ACCSL: variants seen among roughly 807,000 people sequenced by gnomAD.
ACCSL encodes the protein 1-aminocyclopropane-1-carboxylate synthase homolog (inactive) like.
ACCSL carries 55 observed loss-of-function variants against 61.7 expected under a neutral mutation model. The observed-to-expected ratio is 0.89, with a 90% CI of 0.72 to 1.12. The LOEUF (loss-of-function observed/expected upper bound fraction) is 1.12. Ranked by LOEUF, ACCSL falls within the 50% of genes most tolerant of loss-of-function variation. The pLI is 0.00. For missense variants in ACCSL, 632 were observed against 698.0 expected, an observed-to-expected ratio of 0.91 and a Z score of 1.07; for synonymous variants, 258 against 264.3, an observed-to-expected ratio of 0.98 and a Z score of 0.23.
intron 5 of ACCSL, 144 bp from the exon 6 acceptor site, chr11:44,052,518 G>T (rs946102811): frequency 2.8e-6 from 2 of 710,026 alleles, no homozygotes; most frequent in African/African-American, 3.5e-5. Context: ...CATAGCACCT[G>T]AACCTAAGAA....
chr11:44,050,527 G>C (rs751053876), intron 2 of ACCSL, 25 bp from the exon 3 acceptor site: 7 of 1,612,134 alleles, frequency 4.3e-6, no homozygotes, highest in Non-Finnish European at 5.9e-6. Flanking sequence ...TGGCCTACCT[G>C]TCTTCATGTT....
the ACCSL span, among the ~76,000 whole-genome samples, chr11:43,949,679 G>A: frequency 3.3e-5 from 5 of 152,184 alleles, no homozygotes; most frequent in Non-Finnish European, 7.3e-5. Context: ...GCTGGGCATG[G>A]TGGCACACGC....
chr11:43,943,144 G>T, the ACCSL span: 2 of 1,502,050 alleles, frequency 1.3e-6, no homozygotes, highest in Non-Finnish European at 1.8e-6. This position sits in a 1 kb window ranked among gnomAD's most constrained non-coding sequence, Gnocchi z 4.8. Context: ...AGAAGGCCAA[G>T]AAGTCGTTCC....
At chr11:43,987,813 G>T in the ACCSL span, among the ~76,000 whole-genome samples, 1 of 152,204 alleles carries the variant, frequency 6.6e-6, no homozygotes, top group Non-Finnish European at 1.5e-5. Context: ...GCCAAGGCAG[G>T]GTGGAATCCC....
At chr11:43,971,292 A>AG in the ACCSL span, among the ~76,000 whole-genome samples, 277 of 150,980 alleles carry the variant, frequency 1.8e-3, 2 homozygotes, top group African/African-American at 6.3e-3. Context: ...CTCAAAAAAA[A>AG]AAAAAAGAAA....
In ACCSL at chr11:44,059,954, T is replaced by C. The variant is rs371570899; in HGVS notation, c.*34T>C. ...CCTCCCAACCAGCAGTTCCAGCCCA[T>C]CACTTGCTCAGGGACCCCCTAATGT... On this transcript the variant is annotated 3_prime_UTR_variant, in exon 14 of 14. Transcript: ENST00000378832. The C allele has an allele frequency of 6.2e-7, 1 of 1,600,144 alleles. No individual in the cohort carries two copies. The highest frequency in any genetic ancestry group is 8.6e-7 in the Non-Finnish European group (1 of 1,168,550).
chr11:44,053,283 A>G, intron 7 of ACCSL, 123 bp from the exon 8 acceptor site: 2 of 942,190 alleles, frequency 2.1e-6, no homozygotes, highest in Admixed American at 4.3e-5. Flanking sequence ...GCAGTATAGT[A>G]GTTGCTGCTT....
chr11:44,058,177 G>T, intron 11 of ACCSL, 140 bp from the exon 12 acceptor site: 8 of 1,109,536 alleles, frequency 7.2e-6, no homozygotes, highest in Middle Eastern at 2.7e-4. Context: ...TGGTTTTTTT[G>T]TTTTTTTTAA....
At chr11:44,004,426 A>G in the ACCSL span, among the ~76,000 whole-genome samples, 8 of 151,786 alleles carry the variant, frequency 5.3e-5, no homozygotes, top group Non-Finnish European at 8.8e-5. Context: ...GCCTGTTCCA[A>G]AATTTGAGCT....
At chr11:43,970,020 C>T in the ACCSL span, among the ~76,000 whole-genome samples, 1 of 151,428 alleles carries the variant, frequency 6.6e-6, no homozygotes, top group Admixed American at 6.6e-5. Context: ...AATTTTTAAA[C>T]GATTTCAGAT....
chr11:43,939,427 C>T, the ACCSL span, among the ~76,000 whole-genome samples: 1 of 152,146 alleles, frequency 6.6e-6, no homozygotes, highest in Non-Finnish European at 1.5e-5. Flanking sequence ...TGCTTTTTCT[C>T]TCACATAATA....
At chr11:43,922,566 G>A in the ACCSL span, among the ~76,000 whole-genome samples, 10 of 152,224 alleles carry the variant, frequency 6.6e-5, no homozygotes, top group Non-Finnish European at 4.4e-5. Context: ...ACTAGCAGTT[G>A]CCCATTTCAT....
At chr11:43,957,874 T>C in the ACCSL span, among the ~76,000 whole-genome samples, 1 of 152,120 alleles carries the variant, frequency 6.6e-6, no homozygotes, top group African/African-American at 2.4e-5. Flanking sequence ...CCGGAACTAG[T>C]TTTTCAGGTT....
At chr11:43,947,690 C>A in the ACCSL span, among the ~76,000 whole-genome samples, 1 of 150,978 alleles carries the variant, frequency 6.6e-6, no homozygotes, top group Non-Finnish European at 1.5e-5. Flanking sequence ...TGTTGAGAGA[C>A]AGAAGGATAA....
Position 44,058,587 on chromosome 11 carries a change from T to G in ACCSL, c.1512T>G (p.Tyr504Ter). The part of the protein sequence containing the change: ...PCTFEEERLL[Y>*]CRFLDNKLLL... ...CATTTGAAGAAGAACGGCTCCTCTATTGCCGCTTCCTGGACAACAAGCTAT... is the reference window on the plus strand; with the variant it reads ...CATTTGAAGAAGAACGGCTCCTCTAGTGCCGCTTCCTGGACAACAAGCTAT... Residue 504 changes from tyrosine to a stop codon, truncating the protein, a stop_gained, in exon 13 of 14, where the codon TAT (tyrosine) becomes TAG (stop). Transcript: ENST00000378832. LOFTEE classifies it high-confidence loss of function. 1 of 1,614,112 alleles carries G rather than the reference T, an allele frequency of 6.2e-7. No homozygotes were observed. The highest frequency in any genetic ancestry group is 8.5e-7 in the Non-Finnish European group (1 of 1,180,014).
At chr11:43,984,268 T>C in the ACCSL span, among the ~76,000 whole-genome samples, 6 of 152,200 alleles carry the variant, frequency 3.9e-5, no homozygotes, top group African/African-American at 1.4e-4. Context: ...GATTTCATTA[T>C]CTTCAGAATC....
At chr11:44,042,865 G>A in the ACCSL span, among the ~76,000 whole-genome samples, 1 of 152,066 alleles carries the variant, frequency 6.6e-6, no homozygotes, top group African/African-American at 2.4e-5. Flanking sequence ...CAAATCACTT[G>A]AGCCCAGGAG....
upstream of ACCSL, among the ~76,000 whole-genome samples, chr11:44,043,427 G>T (rs1478041054): frequency 6.6e-6 from 1 of 152,164 alleles, no homozygotes; most frequent in Non-Finnish European, 1.5e-5. Flanking sequence ...CTGTCTTCAG[G>T]TTTCCACTGT....
At chr11:44,013,859 G>A in the ACCSL span, among the ~76,000 whole-genome samples, 2 of 152,130 alleles carry the variant, frequency 1.3e-5, no homozygotes, top group Admixed American at 6.5e-5. Context: ...CAGAGGCTTC[G>A]GGGTTGGTAA....
Sources: allele counts gnomAD v4.1 joint callset (sites outside exome capture counted in the v4.1 genomes callset), GRCh38; gene constraint gnomAD v4.1.1; non-coding constraint Gnocchi (gnomAD v3.1); transcripts MANE v1.5; gene names NCBI Gene and HGNC (gene_info 2026-07-23, HGNC 2026-07-21).